SASH1: variants seen among roughly 807,000 people sequenced by gnomAD.
SASH1 encodes SAM and SH3 domain-containing protein 1.
In SASH1, 44 loss-of-function variants were observed where a neutral mutation model predicts 125.2. The ratio of observed to expected loss-of-function variants is 0.35; its 90% CI spans 0.28 to 0.45. SASH1 has a LOEUF of 0.45. Ranked by LOEUF, SASH1 falls within the 20% of genes least tolerant of loss-of-function variation. The probability of loss-of-function intolerance (pLI) is 1.00; values close to 1 mark genes in which losing one functional copy is unlikely to be tolerated. For synonymous variants in SASH1, 639 were observed against 649.1 expected (o/e 0.98, Z 0.24); for missense variants, 1,426 against 1,614.5 (o/e 0.88, Z 2.00).
chr6:148,391,336 C>T (rs1325744257), intron 2 of SASH1, among the ~76,000 whole-genome samples: 5 of 151,580 alleles, frequency 3.3e-5, no homozygotes, highest in African/African-American at 1.2e-4. Context: ...CTTGAACTCC[C>T]GACTTCAGGT....
the SASH1 span, among the ~76,000 whole-genome samples, chr6:148,201,503 T>A: frequency 1.3e-5 from 2 of 152,108 alleles, no homozygotes; most frequent in African/African-American, 4.8e-5. Flanking sequence ...TTCAGTGGCC[T>A]AGGGTGGGAC....
At chr6:148,335,390 G>A (rs1209343277) in intron 1 of SASH1, among the ~76,000 whole-genome samples, 4 of 150,608 alleles carry the variant, frequency 2.7e-5, no homozygotes, top group South Asian at 2.1e-4. Flanking sequence ...GCTTGAACCC[G>A]GGAGGTGGAG....
Position 148,514,458 on chromosome 6 carries a change from TAAAAAAAAAAAAAAAAA to T in SASH1, c.862+14_862+30del. 7.0e-6 allele frequency: 4 copies of T among 572,098 alleles called. No individual in the cohort carries two copies. Among genetic ancestry groups the T allele is most frequent in the Non-Finnish European group, 8.3e-6 (4 of 481,940 alleles). The allele number at this position is 572,098 out of a possible 1,614,324, so 35.4% of individuals were successfully genotyped here. A position where few individuals can be genotyped will look rare whatever the true frequency, so the allele number is the denominator to read the frequency against. On this transcript the variant is annotated splice_donor_5th_base_variant and intron_variant, in intron 9 of 19. Transcript: ENST00000367467. The stretch of plus-strand genomic sequence containing the variant: ...AAATGAAAAAACCCAGCACTGAAGG[TAAAAAAAAAAAAAAAAA>T]AAAAAAAAAAAGGCAGACTCCACCC...
intron 10 of SASH1, 200 bp from the exon 11 acceptor site, chr6:148,525,091 C>T: frequency 1.8e-6 from 1 of 557,966 alleles, no homozygotes; most frequent in Non-Finnish European, 3.2e-6. Context: ...TTCCAGTGGC[C>T]TGTGAAAGGG....
At chr6:148,338,414 G>T (rs9498005), upstream of SASH1, among the ~76,000 whole-genome samples, 52,636 of 144,550 alleles carry the variant, frequency 0.36, 9,657 homozygotes, top group East Asian at 0.61. Context: ...GCAACAGAGT[G>T]AGACTCCATC....
chr6:148,422,291 A>G (rs1337396027), intron 2 of SASH1, among the ~76,000 whole-genome samples: 2 of 152,260 alleles, frequency 1.3e-5, no homozygotes, highest in African/African-American at 4.8e-5. Context: ...TCTGTTCTGG[A>G]TAAACAGTAC....
In SASH1 at chr6:148,527,995, G is replaced by C. The variant is rs560657124; in HGVS notation, c.1428+399G>C. The stretch of plus-strand genomic sequence containing the variant: ...CCTAAAGCTTTTTTTTTTTGGGGGG[G>C]GGGGTGGCAGTAGACTTGTCGATCA... On this transcript the variant is annotated intron_variant, in intron 12 of 19. Transcript: ENST00000367467. Among the ~76,000 whole-genome samples the C allele has an allele frequency of 2.8e-4, 40 of 142,300 alleles. 1 individual carries two copies. The highest frequency in any genetic ancestry group is 9.1e-4 in the African/African-American group (34 of 37,354). The allele number at this position is 142,300 out of a possible 152,430, so 93.4% of individuals were successfully genotyped here.
chr6:148,265,872 G>C, the SASH1 span, among the ~76,000 whole-genome samples: 3 of 152,196 alleles, frequency 2.0e-5, no homozygotes, highest in African/African-American at 7.2e-5. Flanking sequence ...ATGCTTTTGC[G>C]TGACTGGCTC....
At chr6:148,231,821 C>T in the SASH1 span, among the ~76,000 whole-genome samples, 2 of 152,008 alleles carry the variant, frequency 1.3e-5, no homozygotes, top group African/African-American at 4.8e-5. Context: ...GCAAGATGAC[C>T]TGTTCATCAG....
At chr6:148,445,863 AG>A (rs1776746674) in intron 4 of SASH1, among the ~76,000 whole-genome samples, 2 of 152,090 alleles carry the variant, frequency 1.3e-5, no homozygotes, top group Non-Finnish European at 2.9e-5. Context: ...GGCTCCCTTC[AG>A]GGGGCCCAGG....
At chr6:148,423,722 A>G (rs1775677688) in intron 2 of SASH1, among the ~76,000 whole-genome samples, 1 of 152,084 alleles carries the variant, frequency 6.6e-6, no homozygotes, top group Non-Finnish European at 1.5e-5. Context: ...GTTTTTTTAT[A>G]CTGCCAGTAC....
chr6:148,258,824 G>A, the SASH1 span, among the ~76,000 whole-genome samples: 2 of 152,196 alleles, frequency 1.3e-5, no homozygotes, highest in African/African-American at 2.4e-5. Flanking sequence ...ACAGGGTTCT[G>A]CACAAAGGGA....
At chr6:148,349,252 C>CT (rs11317386) in intron 1 of SASH1, among the ~76,000 whole-genome samples, 1,056 of 46,996 alleles carry the variant, frequency 0.022, 113 homozygotes, top group African/African-American at 0.061. Flanking sequence ...TTCTTTCTTT[C>CT]TTTTTTTTTT....
chr6:148,317,694 G>C (rs546899652), intron 1 of SASH1, among the ~76,000 whole-genome samples: 1 of 152,276 alleles, frequency 6.6e-6, no homozygotes, highest in Non-Finnish European at 1.5e-5. Flanking sequence ...CAAAGTGCTG[G>C]GATTACAGTC....
At chr6:148,513,865 G>T in intron 8 of SASH1, 4 of 986,262 alleles carry the variant, frequency 4.1e-6, no homozygotes, top group Non-Finnish European at 4.8e-6. Flanking sequence ...ATTTTCGGGG[G>T]AGGGCTGGAA....
At chr6:148,256,900 G>A in the SASH1 span, among the ~76,000 whole-genome samples, 1 of 152,124 alleles carries the variant, frequency 6.6e-6, no homozygotes, top group Non-Finnish European at 1.5e-5. Context: ...ATGAAAAGTA[G>A]ATTAGATCTG....
rs191619374 is a variant in SASH1 at position 148,495,219 on chromosome 6, T to C, written c.729+7504T>C. 6.6e-6 allele frequency among the ~76,000 whole-genome samples: 1 copy of C among 152,344 alleles called. No individual in the cohort carries two copies. The highest frequency in any genetic ancestry group is 2.4e-5 in the African/African-American group (1 of 41,580). On this transcript the variant is annotated intron_variant, in intron 8 of 19. Transcript: ENST00000367467. This position sits in a 1 kb window ranked among gnomAD's most constrained non-coding sequence, Gnocchi z 4.0. Reference sequence around the variant, plus strand: ...GTGGCAAATGGCTTAATTTCCATTATGACACAAGAAAAGGTTAACAGTGTA... The same window carrying C: ...GTGGCAAATGGCTTAATTTCCATTACGACACAAGAAAAGGTTAACAGTGTA...
At chr6:148,289,880 T>C (rs888231651) in intron 1 of SASH1, among the ~76,000 whole-genome samples, 2 of 145,994 alleles carry the variant, frequency 1.4e-5, no homozygotes, top group Non-Finnish European at 3.0e-5. Flanking sequence ...TTTTTTTTTT[T>C]TTTTTGAGAC....
intron 8 of SASH1, among the ~76,000 whole-genome samples, chr6:148,502,945 G>A (rs746536288): frequency 3.3e-5 from 5 of 152,074 alleles, no homozygotes; most frequent in Admixed American, 6.6e-5. Flanking sequence ...CGGTTGTCGC[G>A]GTTGACCTTA....
Sources: allele counts gnomAD v4.1 joint callset (sites outside exome capture counted in the v4.1 genomes callset), GRCh38; gene constraint gnomAD v4.1.1; non-coding constraint Gnocchi (gnomAD v3.1); transcripts MANE v1.5; gene names NCBI Gene and HGNC (gene_info 2026-07-23, HGNC 2026-07-21).